The following PALM2AKAP2 variants were observed in gnomAD, a reference collection of about 807,000 sequenced individuals.
The protein encoded by PALM2AKAP2 is PALM2 and AKAP2 fusion.
A neutral mutation model predicts 71.5 loss-of-function variants in PALM2AKAP2; 37 were observed. The ratio of observed to expected loss-of-function variants is 0.52; its 90% CI spans 0.40 to 0.68. The LOEUF is 0.68. Ranked by LOEUF, PALM2AKAP2 falls within the 30% of genes least tolerant of loss-of-function variation. The pLI is 0.00. For synonymous variants in PALM2AKAP2, 468 were observed against 478.8 expected (o/e 0.98, Z 0.29); for missense variants, 1,224 against 1,191.8 (o/e 1.03, Z -0.40).
intron 6 of PALM2AKAP2, chr9:109,943,152 G>A (rs761096705): frequency 6.2e-7 from 1 of 1,614,258 alleles, no homozygotes; most frequent in Admixed American, 1.7e-5. Context: ...AAAATATCGA[G>A]GATGAAGAGG....
chr9:110,063,687 A>G (rs1406386920), intron 1 of PALM2AKAP2, among the ~76,000 whole-genome samples: 2 of 151,856 alleles, frequency 1.3e-5, no homozygotes, highest in Non-Finnish European at 2.9e-5. Flanking sequence ...CAAGTGATCC[A>G]CCCACGTTAG....
At chr9:110,009,582 C>T (rs1344510984) in intron 6 of PALM2AKAP2, among the ~76,000 whole-genome samples, 1 of 151,850 alleles carries the variant, frequency 6.6e-6, no homozygotes, top group Non-Finnish European at 1.5e-5. Context: ...GGCGTGGTAG[C>T]GGGCGCCTGT....
chr9:109,719,717 T>A (rs1395299463), intron 1 of PALM2AKAP2, among the ~76,000 whole-genome samples: 1 of 152,184 alleles, frequency 6.6e-6, no homozygotes, highest in African/African-American at 2.4e-5. Context: ...GGTAAACAGA[T>A]GAGGATGCCT....
chr9:110,069,423 A>G (rs147819577), intron 1 of PALM2AKAP2, among the ~76,000 whole-genome samples: 1 of 152,338 alleles, frequency 6.6e-6, no homozygotes, highest in East Asian at 1.9e-4. Flanking sequence ...ACAGAAGAGA[A>G]ATATCCTTTG....
intron 7 of PALM2AKAP2, among the ~76,000 whole-genome samples, chr9:110,025,747 G>T (rs185454465): frequency 2.0e-5 from 3 of 152,280 alleles, no homozygotes; most frequent in East Asian, 1.9e-4. Flanking sequence ...GTGTGGAGTC[G>T]TATGTCATTG....
At chr9:109,890,457 G>A (rs1483244189) in intron 3 of PALM2AKAP2, among the ~76,000 whole-genome samples, 2 of 152,198 alleles carry the variant, frequency 1.3e-5, no homozygotes, top group African/African-American at 4.8e-5. Context: ...AACTGTCTCT[G>A]ATTATGGGAT....
chr9:109,799,216 A>G (rs80228281), intron 1 of PALM2AKAP2, among the ~76,000 whole-genome samples: 5,301 of 152,342 alleles, frequency 0.035, 191 homozygotes, highest in East Asian at 0.13. Context: ...TGTGAAGCTC[A>G]GCGTGGCTCG....
chr9:110,047,603 C>G (rs1202338512), upstream of PALM2AKAP2, among the ~76,000 whole-genome samples: 1 of 152,160 alleles, frequency 6.6e-6, no homozygotes, highest in Non-Finnish European at 1.5e-5. Context: ...ACTGAGAGTG[C>G]AAGGGCGACT....
chr9:110,151,931 G>A (rs767337321), intron 2 of PALM2AKAP2, among the ~76,000 whole-genome samples: 5 of 152,142 alleles, frequency 3.3e-5, no homozygotes, highest in Admixed American at 2.0e-4. Context: ...GATAGTGACC[G>A]ATGTCCTTCA....
rs1456062658 is a variant in PALM2AKAP2 at position 110,140,057 on chromosome 9, T to C, written c.2569+1518T>C. On this transcript the variant is annotated intron_variant, in intron 2 of 3. Transcript: ENST00000374525. The stretch of plus-strand genomic sequence containing the variant: ...GCCTTCTGCACAGTAGTTACTTTTT[T>C]CTTTTGTAATTAATATACATTTTGT... Among the ~76,000 whole-genome samples the C allele has an allele frequency of 2.0e-5, 3 of 152,358 alleles. No homozygotes were observed. In the East Asian group the frequency reaches 5.8e-4, roughly 29 times the overall value.
intron 1 of PALM2AKAP2, among the ~76,000 whole-genome samples, chr9:109,838,007 T>A (rs920660523): frequency 2.0e-5 from 3 of 152,168 alleles, no homozygotes; most frequent in Non-Finnish European, 4.4e-5. Context: ...GGACTTGAAC[T>A]CAGCTCTGCA....
intron 6 of PALM2AKAP2, among the ~76,000 whole-genome samples, chr9:110,002,066 T>G (rs1232986161): frequency 1.3e-5 from 2 of 152,208 alleles, no homozygotes; most frequent in Admixed American, 1.3e-4. Flanking sequence ...ATGGGAGTGA[T>G]GAGAGAGGGC....
chr9:109,978,614 A>G (rs1302943686), intron 6 of PALM2AKAP2, among the ~76,000 whole-genome samples: 1 of 152,202 alleles, frequency 6.6e-6, no homozygotes, highest in Non-Finnish European at 1.5e-5. Flanking sequence ...TCACAGGCCA[A>G]GGCTCTACCT....
chr9:109,797,264 G>C (rs1827287183), intron 1 of PALM2AKAP2, among the ~76,000 whole-genome samples: 2 of 152,148 alleles, frequency 1.3e-5, no homozygotes, highest in African/African-American at 4.8e-5. Context: ...CCCAGCTTGG[G>C]GTTACCCTGA....
intron 1 of PALM2AKAP2, among the ~76,000 whole-genome samples, chr9:109,736,091 A>C (rs1476468097): frequency 6.6e-6 from 1 of 152,078 alleles, no homozygotes; most frequent in African/African-American, 2.4e-5. Flanking sequence ...AAAATCACCA[A>C]CCATTCCAGC....
At chr9:109,734,755 C>T (rs939151078) in intron 1 of PALM2AKAP2, among the ~76,000 whole-genome samples, 1 of 152,150 alleles carries the variant, frequency 6.6e-6, no homozygotes, top group Non-Finnish European at 1.5e-5. Flanking sequence ...AGATAACTTT[C>T]CCACAATTTC....
chr9:109,926,419 C>A (rs1032482178), intron 5 of PALM2AKAP2, among the ~76,000 whole-genome samples: 2 of 152,114 alleles, frequency 1.3e-5, no homozygotes, highest in African/African-American at 4.8e-5. Context: ...CTAGGAAAAG[C>A]GGACCTACAA....
At chr9:109,953,098 C>T (rs757424633) in intron 6 of PALM2AKAP2, among the ~76,000 whole-genome samples, 1 of 152,172 alleles carries the variant, frequency 6.6e-6, no homozygotes, top group Non-Finnish European at 1.5e-5. Context: ...TTTTGTAGTA[C>T]ATTGAACCTT....
At chr9:110,097,624 C>T (rs1449012684) in intron 1 of PALM2AKAP2, among the ~76,000 whole-genome samples, 6 of 147,486 alleles carry the variant, frequency 4.1e-5, no homozygotes, top group Admixed American at 3.3e-4. Flanking sequence ...AGAGGCGCTC[C>T]TCACTTCCTA....
Sources: gnomAD v4.1 joint callset for allele counts (sites outside exome capture counted in the v4.1 genomes callset) on GRCh38, gnomAD v4.1.1 for gene constraint, MANE v1.5 for transcripts, NCBI Gene and HGNC (gene_info 2026-07-23, HGNC 2026-07-21) for gene names.